The following KCNH7 variants were observed in gnomAD, a reference collection of about 807,000 sequenced individuals.
KCNH7 encodes potassium voltage-gated channel subfamily H member 7.
Under a neutral mutation model 120.8 loss-of-function variants are expected in KCNH7, and 49 were observed. That is an observed-to-expected ratio of 0.41 (90% CI 0.32 to 0.51). The LOEUF (loss-of-function observed/expected upper bound fraction) is 0.51. Among genes scored for constraint, KCNH7 ranks in the 20% least tolerant of loss-of-function variants. The pLI is 0.38. For synonymous variants in KCNH7, 547 were observed against 516.1 expected, an observed-to-expected ratio of 1.06 and a Z score of -0.81; for missense variants, 1,097 against 1,446.6, an observed-to-expected ratio of 0.76 and a Z score of 3.92.
intron 2 of KCNH7, among the ~76,000 whole-genome samples, chr2:162,731,726 G>A (rs1273206319): frequency 6.6e-6 from 1 of 152,086 alleles, no homozygotes; most frequent in Non-Finnish European, 1.5e-5. Context: ...ATTTAGGGTT[G>A]CAGATACATC....
intron 2 of KCNH7, among the ~76,000 whole-genome samples, chr2:162,827,309 A>C (rs889276377): frequency 6.6e-6 from 1 of 152,228 alleles, no homozygotes; most frequent in Admixed American, 6.5e-5. Flanking sequence ...TACTGAATCA[A>C]AATACTCCAT....
At chr2:162,460,093 CAA>C (rs575038181) in intron 6 of KCNH7, among the ~76,000 whole-genome samples, 6,577 of 47,562 alleles carry the variant, frequency 0.14, 389 homozygotes, top group African/African-American at 0.34. Context: ...GACTCCATCT[CAA>C]AAAAAAAAAA....
chr2:162,783,222 A>G (rs113200053), intron 2 of KCNH7, among the ~76,000 whole-genome samples: 1 of 152,088 alleles, frequency 6.6e-6, no homozygotes, highest in African/African-American at 2.4e-5. Flanking sequence ...TTTTCTGACA[A>G]TCCAACTATG....
At chr2:162,494,332 T>A (rs899348719) in intron 6 of KCNH7, among the ~76,000 whole-genome samples, 4 of 152,164 alleles carry the variant, frequency 2.6e-5, no homozygotes, top group Admixed American at 6.5e-5. Flanking sequence ...ACCTTTACTC[T>A]TTTGGTAGGC....
chr2:162,522,601 G>A (rs576309334), intron 3 of KCNH7, among the ~76,000 whole-genome samples: 6 of 151,932 alleles, frequency 3.9e-5, no homozygotes, highest in African/African-American at 7.2e-5. Flanking sequence ...ATCCTTGTAA[G>A]TTAAGTCTTC....
At chr2:162,504,853 A>G (rs1295169769) in intron 5 of KCNH7, among the ~76,000 whole-genome samples, 196 bp from the exon 6 acceptor site, 1 of 151,984 alleles carries the variant, frequency 6.6e-6, no homozygotes. Context: ...ATCTGAGAAT[A>G]AGACTGGGTT....
At chr2:162,700,432 G>A (rs909897462) in intron 2 of KCNH7, among the ~76,000 whole-genome samples, 3 of 152,076 alleles carry the variant, frequency 2.0e-5, no homozygotes, top group Admixed American at 1.3e-4. Flanking sequence ...TCCTTTCAGT[G>A]GGAAAGTTTC....
At chr2:162,511,721 A>C (rs1691082767) in intron 5 of KCNH7, among the ~76,000 whole-genome samples, 1 of 151,722 alleles carries the variant, frequency 6.6e-6, no homozygotes, top group South Asian at 2.1e-4. Context: ...GAAGCAATTG[A>C]GAAATCAATA....
chr2:162,510,559 T>C (rs1458680254), intron 5 of KCNH7, among the ~76,000 whole-genome samples: 1 of 151,672 alleles, frequency 6.6e-6, no homozygotes, highest in Non-Finnish European at 1.5e-5. Flanking sequence ...TCAGATGATA[T>C]TGAAGACATT....
chr2:162,546,229 C>A (rs569432429), intron 2 of KCNH7, among the ~76,000 whole-genome samples: 1 of 151,914 alleles, frequency 6.6e-6, no homozygotes, highest in Non-Finnish European at 1.5e-5. Flanking sequence ...GGCCGATTTG[C>A]GGTGCTGCAC....
At chr2:162,462,570 G>A (rs1433456970) in intron 6 of KCNH7, among the ~76,000 whole-genome samples, 1 of 151,842 alleles carries the variant, frequency 6.6e-6, no homozygotes, top group African/African-American at 2.4e-5. Context: ...AGTCAAAAGA[G>A]TAAGATTAGG....
At chr2:162,622,388 T>C (rs972201390) in intron 2 of KCNH7, among the ~76,000 whole-genome samples, 1 of 152,240 alleles carries the variant, frequency 6.6e-6, no homozygotes, top group Non-Finnish European at 1.5e-5. Context: ...TCTTTGGGTC[T>C]AACATAACTA....
intron 2 of KCNH7, among the ~76,000 whole-genome samples, chr2:162,628,229 T>C (rs972342832): frequency 6.6e-5 from 10 of 152,228 alleles, no homozygotes; most frequent in African/African-American, 2.2e-4. Context: ...AATGAACACA[T>C]GGAAAAAGGA....
chr2:162,838,667 ACT>A lies in KCNH7; in HGVS notation c.-151_-150del. 1.7e-6 allele frequency: 1 copy of A among 579,646 alleles called. No individual in the cohort carries two copies. Among genetic ancestry groups the A allele is most frequent in the Non-Finnish European group, 3.0e-6 (1 of 330,152 alleles). The allele number at this position is 579,646 out of a possible 1,614,324, so 35.9% of individuals were successfully genotyped here. ...CCAGAATTCTCTTCCCATTAGCACC[ACT>A]TCTAGACACCCGCTTTCCCCACCGG... On this transcript the variant is annotated 5_prime_UTR_variant, in exon 1 of 16. In the 5' UTR this introduces an upstream ATG that the reference lacks. Transcript: ENST00000332142.
intron 14 of KCNH7, among the ~76,000 whole-genome samples, chr2:162,378,480 T>C (rs1249511125): frequency 6.6e-6 from 1 of 152,164 alleles, no homozygotes; most frequent in Non-Finnish European, 1.5e-5. Context: ...AGTGAATAAA[T>C]CAGTAGTTTG....
chr2:162,468,543 C>CGGAGTCTCAG (rs1481167496), intron 6 of KCNH7, among the ~76,000 whole-genome samples: 1 of 97,428 alleles, frequency 1.0e-5, no homozygotes, highest in Non-Finnish European at 1.8e-5. Flanking sequence ...TTTTTTCAGA[C>CGGAGTCTCAG]GGAGTCTCAG....
intron 2 of KCNH7, among the ~76,000 whole-genome samples, chr2:162,742,812 C>A (rs1225445070): frequency 6.6e-6 from 1 of 152,128 alleles, no homozygotes; most frequent in Admixed American, 6.5e-5. Context: ...ATGTTAACGG[C>A]TCTTGTGACA....
intron 4 of KCNH7, among the ~76,000 whole-genome samples, chr2:162,515,923 T>C (rs1691274449): frequency 1.3e-5 from 2 of 151,974 alleles, no homozygotes; most frequent in South Asian, 4.1e-4. Context: ...CTGCCTTCTC[T>C]ACTTCATGGT....
In KCNH7 at chr2:162,592,423, AG is replaced by A. The variant is rs557991561; in HGVS notation, c.308-55344del. 5.2e-3 allele frequency among the ~76,000 whole-genome samples: 785 copies of A among 152,168 alleles called. 10 individuals carry two copies. Among genetic ancestry groups the A allele is most frequent in the African/African-American group, 0.018 (748 of 41,548 alleles). On this transcript the variant is annotated intron_variant, in intron 2 of 15. Coordinates refer to ENST00000332142, the MANE Select transcript of KCNH7 (RefSeq NM_033272.4). Reference sequence around the variant, plus strand: ...GTGTATGGGGGAGGATGGAAAAGCAAGGGGCACACTTATTTTATGAGGGCTT... The same window carrying A: ...GTGTATGGGGGAGGATGGAAAAGCAAGGGCACACTTATTTTATGAGGGCTT...
Sources: gnomAD v4.1 joint callset for allele counts (sites outside exome capture counted in the v4.1 genomes callset) on GRCh38, gnomAD v4.1.1 for gene constraint, MANE v1.5 for transcripts, NCBI Gene and HGNC (gene_info 2026-07-23, HGNC 2026-07-21) for gene names.